Variants in RIC1 observed in about 807,000 individuals in gnomAD.
The protein encoded by RIC1 is RIC1 partner of RAB6A GEF complex, also known as guanine nucleotide exchange factor subunit RIC1.
RIC1 carries 88 observed loss-of-function variants against 169.0 expected under a neutral mutation model. That is an observed-to-expected ratio of 0.52 (90% CI 0.44 to 0.62). The LOEUF (loss-of-function observed/expected upper bound fraction) is 0.62. Ranked by LOEUF, RIC1 falls within the 20% of genes least tolerant of loss-of-function variation. The pLI is 0.00. For missense variants in RIC1, 1,877 were observed against 1,725.5 expected (o/e 1.09, Z -1.56); for synonymous variants, 790 against 601.5 (o/e 1.31, Z -4.59).
At chr9:5,770,311 T>C (rs1827121644) in intron 23 of RIC1, 33 bp downstream of exon 23, 1 of 1,563,052 alleles carries the variant, frequency 6.4e-7, no homozygotes, top group Admixed American at 1.7e-5. Flanking sequence ...GCTCTTCAGT[T>C]CCTTTGAAGA....
At chr9:5,751,240 T>C (rs879748915) in intron 12 of RIC1, among the ~76,000 whole-genome samples, 10 of 151,836 alleles carry the variant, frequency 6.6e-5, no homozygotes, top group Admixed American at 4.6e-4. Flanking sequence ...ATCCTCCTGC[T>C]GTGAGTGACT....
In RIC1 at chr9:5,656,564, T is replaced by G. The variant is rs778225509; in HGVS notation, c.145-19T>G. 7.8e-7 allele frequency: 1 copy of G among 1,288,276 alleles called. No homozygotes were observed. Among genetic ancestry groups the G allele is most frequent in the African/African-American group, 1.5e-5 (1 of 66,272 alleles). 79.8% of individuals were successfully genotyped at this position (1,288,276 alleles called of 1,614,324 possible). A position where few individuals can be genotyped will look rare whatever the true frequency, so the allele number is the denominator to read the frequency against. ...ATATTGATAAAAAATACAACTTTTT[T>G]TTTTTTTTAATCACACAGCCTAGTG... On this transcript the variant is annotated intron_variant, in intron 1 of 25. Coordinates refer to ENST00000414202, the MANE Select transcript of RIC1 (RefSeq NM_020829.4).
chr9:5,662,337 G>A (rs541374429), intron 2 of RIC1, among the ~76,000 whole-genome samples: 14 of 152,124 alleles, frequency 9.2e-5, no homozygotes, highest in Non-Finnish European at 1.3e-4. Context: ...AGATGATGCT[G>A]GCCTCATAGA....
intron 1 of RIC1, among the ~76,000 whole-genome samples, chr9:5,638,147 T>C (rs1035711387): frequency 6.6e-6 from 1 of 152,224 alleles, no homozygotes; most frequent in African/African-American, 2.4e-5. Context: ...ATGTATCACA[T>C]TGATTGATTT....
chr9:5,690,090 T>A (rs374016959), intron 3 of RIC1, 52 bp downstream of exon 3: 3 of 1,225,598 alleles, frequency 2.4e-6, no homozygotes, highest in African/African-American at 3.1e-5. Context: ...TACTTTATAT[T>A]CAGAAAAACA....
At chr9:5,712,608 C>T (rs1823000563) in intron 3 of RIC1, among the ~76,000 whole-genome samples, 1 of 152,200 alleles carries the variant, frequency 6.6e-6, no homozygotes, top group Non-Finnish European at 1.5e-5. Context: ...GTGTTGTTTT[C>T]TGTCTTAAGC....
intron 1 of RIC1, among the ~76,000 whole-genome samples, chr9:5,643,044 A>G (rs1053262761): frequency 6.6e-6 from 1 of 152,210 alleles, no homozygotes; most frequent in Non-Finnish European, 1.5e-5. Context: ...TCACACCTGT[A>G]ACCTCAGCAC....
At chr9:5,684,318 A>T (rs1032571713) in intron 2 of RIC1, among the ~76,000 whole-genome samples, 1 of 95,656 alleles carries the variant, frequency 1.0e-5, no homozygotes, top group Non-Finnish European at 2.0e-5. Flanking sequence ...TCATCAATTT[A>T]TACAGAAATG....
At chr9:5,647,290 G>A (rs1232443210) in intron 1 of RIC1, among the ~76,000 whole-genome samples, 40 of 152,096 alleles carry the variant, frequency 2.6e-4, no homozygotes, top group Admixed American at 2.5e-3. Context: ...TTGTCTATTC[G>A]AGGTCTCTTG....
chr9:5,698,949 G>A (rs912739715), intron 3 of RIC1, among the ~76,000 whole-genome samples: 3 of 152,138 alleles, frequency 2.0e-5, no homozygotes, highest in Non-Finnish European at 4.4e-5. Context: ...TTAAGAGGTT[G>A]CCAAAAAATA....
In RIC1 at chr9:5,738,543, G is replaced by A; in HGVS notation, c.901+5G>A. 2 of 893,616 alleles carry A rather than the reference G, an allele frequency of 2.2e-6. No individual in the cohort carries two copies. Among genetic ancestry groups the A allele is most frequent in the Non-Finnish European group, 3.2e-6 (2 of 616,412 alleles). The allele number at this position is 893,616 out of a possible 1,614,324, so 55.4% of individuals were successfully genotyped here. A position where few individuals can be genotyped will look rare whatever the true frequency, so the allele number is the denominator to read the frequency against. The stretch of plus-strand genomic sequence containing the variant: ...TAACAGCAAAACAGTATCCTGGTGA[G>A]TCTTTTTTTTTTTTTTTTTTTTTAA... On this transcript the variant is annotated splice_donor_5th_base_variant and intron_variant, in intron 8 of 25. Transcript: ENST00000414202.
Position 5,771,366 on chromosome 9 carries a change from A to T in RIC1, c.3616+1088A>T, listed in dbSNP as rs183382215. Among the ~76,000 whole-genome samples the T allele has an allele frequency of 2.0e-5, 3 of 152,188 alleles. No individual in the cohort carries two copies. The East Asian group carries it at 5.8e-4, about 29-fold the overall frequency. ...CACTTAGCATAATGTCCTCATGTTC[A>T]TCCTTTTTGGAGCATGTTTTATTCC... On this transcript the variant is annotated intron_variant, in intron 23 of 25. Transcript: ENST00000414202.
At chr9:5,743,164 T>C (rs974578169) in intron 9 of RIC1, 151 bp downstream of exon 9, 1 of 661,984 alleles carries the variant, frequency 1.5e-6, no homozygotes, top group African/African-American at 1.8e-5. Flanking sequence ...AATATACTGA[T>C]TCTCTGAACA....
intron 1 of RIC1, among the ~76,000 whole-genome samples, chr9:5,631,822 C>T (rs1406091543): frequency 1.3e-5 from 2 of 151,960 alleles, no homozygotes; most frequent in Non-Finnish European, 2.9e-5. Flanking sequence ...CTTTCTTACT[C>T]TGTATGAAAG....
intron 2 of RIC1, among the ~76,000 whole-genome samples, chr9:5,676,998 G>C (rs890628408): frequency 3.9e-5 from 6 of 152,180 alleles, no homozygotes; most frequent in African/African-American, 1.4e-4. Context: ...TGATGTACAA[G>C]TCTTTGTATG....
Position 5,720,629 on chromosome 9 carries a change from G to T in RIC1, c.599G>T (p.Gly200Val). 6.3e-7 allele frequency: 1 copy of T among 1,598,784 alleles called. No homozygotes were observed. The highest frequency in any genetic ancestry group is 8.5e-7 in the Non-Finnish European group (1 of 1,175,602). The change falls in exon 6 of 26, where the codon GGC becomes GTC. Residue 200 changes from glycine to valine, a missense_variant. Coordinates refer to ENST00000414202, the MANE Select transcript of RIC1 (RefSeq NM_020829.4). The stretch of plus-strand genomic sequence containing the variant: ...TTTTCATCAGTAGGTTCATTCCTGG[G>T]CTTCACAGACGTACACATCAGAGAC... ...LQSSRVGSFL[G>V]FTDVHIRDME...
At chr9:5,675,009 A>G (rs1820356044) in intron 2 of RIC1, among the ~76,000 whole-genome samples, 1 of 152,242 alleles carries the variant, frequency 6.6e-6, no homozygotes, top group African/African-American at 2.4e-5. Flanking sequence ...TTTAATTCTC[A>G]GCAAGGCAGT....
At chr9:5,634,481 T>G (rs1817873818) in intron 1 of RIC1, among the ~76,000 whole-genome samples, 1 of 152,234 alleles carries the variant, frequency 6.6e-6, no homozygotes, top group African/African-American at 2.4e-5. Context: ...ATTAGTGTAT[T>G]GAGCACCTAT....
chr9:5,645,310 A>T (rs2130352359), intron 1 of RIC1, among the ~76,000 whole-genome samples: 1 of 152,330 alleles, frequency 6.6e-6, no homozygotes, highest in African/African-American at 2.4e-5. Flanking sequence ...AAGTGTTGGA[A>T]TTACAAGTAT....
Sources: allele counts gnomAD v4.1 joint callset (sites outside exome capture counted in the v4.1 genomes callset), GRCh38; gene constraint gnomAD v4.1.1; transcripts MANE v1.5; gene names NCBI Gene and HGNC (gene_info 2026-07-23, HGNC 2026-07-21).